The following ITGA2B variants were observed in gnomAD, a reference collection of about 807,000 sequenced individuals.
The protein encoded by ITGA2B is integrin alpha-IIb.
A neutral mutation model predicts 142.0 loss-of-function variants in ITGA2B; 91 were observed. The observed-to-expected ratio is 0.64, with a 90% CI of 0.54 to 0.76. The LOEUF (loss-of-function observed/expected upper bound fraction) is 0.76, where lower values mean the gene tolerates loss of function less well. Ranked by LOEUF, ITGA2B falls within the 30% of genes least tolerant of loss-of-function variation. ITGA2B has a pLI of 0.00. For missense variants in ITGA2B, 1,231 were observed against 1,350.8 expected (o/e 0.91, Z 1.39); for synonymous variants, 536 against 567.2 (o/e 0.94, Z 0.78).
chr17:44,388,346 CCTTT>C (rs1236391491), intron 1 of ITGA2B, among the ~76,000 whole-genome samples: 12 of 144,342 alleles, frequency 8.3e-5, no homozygotes, highest in African/African-American at 2.4e-4. Flanking sequence ...CTCCACATTT[CCTTT>C]CTTTTTTTTT....
chr17:44,383,076 T>C (rs925856456), intron 12 of ITGA2B, among the ~76,000 whole-genome samples: 57 of 152,006 alleles, frequency 3.7e-4, no homozygotes, highest in Non-Finnish European at 7.4e-5. Context: ...GCTCAACAGG[T>C]CCAGAGCTGA....
Position 44,377,105 on chromosome 17 carries a change from G to T in ITGA2B, c.2188-17C>A, listed in dbSNP as rs1423025818. ...GATTCCTATCTGGGAGATGAGGAGG[G>T]CCAAGGTCACTGCCCAAGTGCCCCA... On this transcript the variant is annotated splice_polypyrimidine_tract_variant and intron_variant, in intron 21 of 29. Coordinates refer to ENST00000262407, the MANE Select transcript of ITGA2B (RefSeq NM_000419.5). The T allele has an allele frequency of 6.4e-7, 1 of 1,555,462 alleles. No homozygotes were observed. Among genetic ancestry groups the T allele is most frequent in the Non-Finnish European group, 8.7e-7 (1 of 1,148,306 alleles).
intron 4 of ITGA2B, 62 bp from the exon 5 acceptor site, chr17:44,385,397 G>A (rs2048637076): frequency 1.5e-5 from 23 of 1,568,372 alleles, no homozygotes; most frequent in Non-Finnish European, 2.0e-5. Context: ...CGAGCCCGGA[G>A]GAGGGCTGGG....
intron 28 of ITGA2B, 38 bp from the exon 29 acceptor site, chr17:44,374,508 C>T (rs763215330): frequency 4.4e-6 from 7 of 1,589,018 alleles, no homozygotes; most frequent in Admixed American, 1.7e-5. Flanking sequence ...GTCACCTTGA[C>T]ACCTGCCTTT....
Position 44,385,550 on chromosome 17 carries a change from C to G in ITGA2B, c.574+1G>C. ...GGGGCCAGGTCGTAGCTGGCGCTTA[C>G]TAAAATCATTTTCCACGTAAATGCG... On this transcript the variant is annotated splice_donor_variant, in intron 4 of 29. Transcript: ENST00000262407. LOFTEE classifies it high-confidence loss of function. 1 of 1,569,442 alleles carries G rather than the reference C, an allele frequency of 6.4e-7. No homozygotes were observed. The highest frequency in any genetic ancestry group is 8.6e-7 in the Non-Finnish European group (1 of 1,162,232).
Position 44,389,530 on chromosome 17 carries a change from C to T in ITGA2B, c.-57G>A. 6.4e-7 allele frequency: 1 copy of T among 1,572,924 alleles called. No homozygotes were observed. Among genetic ancestry groups the T allele is most frequent in the Middle Eastern group, 2.3e-4 (1 of 4,434 alleles). The stretch of plus-strand genomic sequence containing the variant: ...TGGGCCAGCTCCTCCTCCTTCCCTT[C>T]AGATTCCTCCACAGGAAGTCTTTTC... On this transcript the variant is annotated 5_prime_UTR_variant, in exon 1 of 30. Transcript: ENST00000262407.
chr17:44,374,495 T>G, intron 28 of ITGA2B, 25 bp from the exon 29 acceptor site: 1 of 1,601,936 alleles, frequency 6.2e-7, no homozygotes, highest in Non-Finnish European at 8.6e-7. Context: ...ACGTGTCTCC[T>G]CAGTCACCTT....
chr17:44,379,852 T>G (rs754176536), intron 17 of ITGA2B, 38 bp from the exon 18 acceptor site: 19 of 1,613,440 alleles, frequency 1.2e-5, no homozygotes, highest in Non-Finnish European at 1.6e-5. Context: ...CTTGCTACCA[T>G]ACACATCCCA....
intron 18 of ITGA2B, among the ~76,000 whole-genome samples, 196 bp downstream of exon 18, chr17:44,379,493 A>G (rs1448031662): frequency 6.6e-6 from 1 of 151,988 alleles, no homozygotes; most frequent in East Asian, 1.9e-4. Flanking sequence ...ACCTCAGGCA[A>G]TCTGCCTGCC....
Position 44,380,907 on chromosome 17 carries a change from G to A in ITGA2B, c.1365C>T (p.Ala455=), listed in dbSNP as rs1426299917. ...GGTATCCGTTGTCATCGATGTCTAC[G>A]GCACCTCGAAGGGAGAAGCCAAAGG... The part of the protein sequence containing the change: ...GSAFGFSLRG[A]VDIDDNGYPD... The change falls in exon 13 of 30, where the codon GCC becomes GCT. Residue 455 remains alanine (A), a synonymous_variant. Transcript: ENST00000262407. 8.1e-6 allele frequency: 13 copies of A among 1,614,212 alleles called. No individual in the cohort carries two copies. Among genetic ancestry groups the A allele is most frequent in the South Asian group, 3.3e-5 (3 of 91,082 alleles).
At position 44,383,564 on chromosome 17, in the gene ITGA2B, C is replaced by T. The variant is rs766006685; in HGVS notation, c.1139G>A (p.Gly380Asp). 6.2e-7 allele frequency: 1 copy of T among 1,611,790 alleles called. No homozygotes were observed. Among genetic ancestry groups the T allele is most frequent in the Non-Finnish European group, 8.5e-7 (1 of 1,179,802 alleles). ...ALGAPSLLLT[G>D]TQLYGRFGSA... ...GCCGAATCGCCCATAGAGCTGTGTG[C>T]CAGTCAGCAGGAGGCTGGGGGCACC... is the stretch of plus-strand genomic sequence containing the variant. The change falls in exon 12 of 30, where the codon GGC (glycine) becomes GAC (aspartate). Residue 380 changes from glycine to aspartate, a missense_variant. Around this residue, in one of 3 missense-constraint regions of ITGA2B, gnomAD observed 908 missense variants for 1,021.1 expected, o/e 0.89. Coordinates refer to ENST00000262407, the MANE Select transcript of ITGA2B (RefSeq NM_000419.5).
At chr17:44,387,649 A>C (rs939072207) in intron 1 of ITGA2B, among the ~76,000 whole-genome samples, 1 of 150,830 alleles carries the variant, frequency 6.6e-6, no homozygotes, top group Admixed American at 6.6e-5. Flanking sequence ...AACATGGAGA[A>C]ACCTCGTCTC....
intron 9 of ITGA2B, 68 bp downstream of exon 9, chr17:44,384,243 G>T: frequency 3.2e-6 from 5 of 1,584,202 alleles, no homozygotes; most frequent in Non-Finnish European, 4.3e-6. Context: ...GGTGGGGGGC[G>T]CTCAGGAGTT....
At chr17:44,388,675 C>T (rs9903206) in intron 1 of ITGA2B, among the ~76,000 whole-genome samples, 81,819 of 151,670 alleles carry the variant, frequency 0.54, 22,736 homozygotes, top group Middle Eastern at 0.63. Context: ...TGTGCCACCA[C>T]GCTCAGCTAA....
In ITGA2B at chr17:44,389,279, G is replaced by A. The variant is rs774338537; in HGVS notation, c.188+7C>T. ...CTCCCAATACCCCAACTTCCCTTAC[G>A]GCTCACCTCCCATGGCTGTCCTTGT... On this transcript the variant is annotated splice_region_variant and intron_variant, in intron 1 of 29. Coordinates refer to ENST00000262407, the MANE Select transcript of ITGA2B (RefSeq NM_000419.5). 8.1e-6 allele frequency: 13 copies of A among 1,613,866 alleles called. No homozygotes were observed. The highest frequency in any genetic ancestry group is 2.2e-5 in the South Asian group (2 of 91,066).
chr17:44,374,927 C>T (rs536034015), intron 27 of ITGA2B, 71 bp downstream of exon 27: 18 of 1,359,708 alleles, frequency 1.3e-5, no homozygotes, highest in Non-Finnish European at 1.6e-5. Flanking sequence ...CCACACCAAA[C>T]CCCGCCCCTC....
At chr17:44,379,869 C>T in intron 17 of ITGA2B, 55 bp from the exon 18 acceptor site, 13 of 1,613,188 alleles carry the variant, frequency 8.1e-6, no homozygotes, top group Admixed American at 1.7e-5. Context: ...CCCACCTTCT[C>T]CTGGCCAGTA....
At chr17:44,375,526 C>A in intron 26 of ITGA2B, 65 bp downstream of exon 26, 1 of 1,590,086 alleles carries the variant, frequency 6.3e-7, no homozygotes, top group Non-Finnish European at 8.6e-7. Flanking sequence ...CCCTCTCCCT[C>A]CTCCCATCCC....
intron 1 of ITGA2B, among the ~76,000 whole-genome samples, chr17:44,387,781 G>C (rs2048662542): frequency 8.5e-6 from 1 of 117,646 alleles, no homozygotes; most frequent in South Asian, 3.1e-4. Flanking sequence ...GCCAGTGATT[G>C]TGCCATTGCA....
Sources: gnomAD v4.1 joint callset for allele counts (sites outside exome capture counted in the v4.1 genomes callset) on GRCh38, gnomAD v4.1.1 for gene constraint, gnomAD v4.1.1 regional missense constraint, MANE v1.5 for transcripts, NCBI Gene and HGNC (gene_info 2026-07-23, HGNC 2026-07-21) for gene names.